Variants in DPYD observed in about 807,000 individuals in gnomAD.
The protein encoded by DPYD is dihydropyrimidine dehydrogenase [NADP(+)].
In DPYD, 109 loss-of-function variants were observed where a neutral mutation model predicts 116.2. The observed-to-expected ratio is 0.94, with a 90% confidence interval of 0.80 to 1.10. The LOEUF (loss-of-function observed/expected upper bound fraction) is 1.10. Ranked by LOEUF, DPYD falls within the 50% of genes least tolerant of loss-of-function variation. DPYD has a pLI of 0.00. For missense variants in DPYD, 1,302 were observed against 1,254.5 expected, an observed-to-expected ratio of 1.04 and a Z score of -0.57; for synonymous variants, 440 against 432.0, an observed-to-expected ratio of 1.02 and a Z score of -0.23.
chr1:97,292,372 T>C (rs1469152728), intron 18 of DPYD, among the ~76,000 whole-genome samples: 1 of 152,082 alleles, frequency 6.6e-6, no homozygotes, highest in East Asian at 1.9e-4. Flanking sequence ...AGCAAACATG[T>C]CCTTCTTCAC....
At chr1:97,138,926 T>C (rs1187685968) in intron 20 of DPYD, among the ~76,000 whole-genome samples, 1 of 152,168 alleles carries the variant, frequency 6.6e-6, no homozygotes, top group Non-Finnish European at 1.5e-5. Context: ...CTTGGGTAGA[T>C]GTATTCCACC....
intron 6 of DPYD, among the ~76,000 whole-genome samples, chr1:97,695,617 A>G (rs1317696673): frequency 2.6e-5 from 4 of 151,558 alleles, no homozygotes; most frequent in Non-Finnish European, 5.9e-5. Flanking sequence ...TGAAGGAAGG[A>G]AGGGAGGGAA....
intron 3 of DPYD, among the ~76,000 whole-genome samples, chr1:97,817,638 C>A (rs1336303479): frequency 6.6e-6 from 1 of 151,980 alleles, no homozygotes; most frequent in Non-Finnish European, 1.5e-5. Context: ...TATTAGTCTT[C>A]TTTAGTTGTA....
At chr1:97,914,985 G>A (rs1296637033) in intron 1 of DPYD, among the ~76,000 whole-genome samples, 1 of 152,050 alleles carries the variant, frequency 6.6e-6, no homozygotes, top group Admixed American at 6.5e-5. Flanking sequence ...CTTGCCAATT[G>A]ATGTTTATAT....
At chr1:97,595,909 T>TAA (rs59640385) in intron 8 of DPYD, among the ~76,000 whole-genome samples, 99 of 152,036 alleles carry the variant, frequency 6.5e-4, no homozygotes, top group African/African-American at 2.3e-3. Context: ...AAAAGAAAAA[T>TAA]ATTTAAGAAA....
chr1:97,166,231 A>C (rs2101756969), intron 20 of DPYD, among the ~76,000 whole-genome samples: 1 of 152,350 alleles, frequency 6.6e-6, no homozygotes, highest in South Asian at 2.1e-4. Flanking sequence ...TGGTACATAT[A>C]CACCATGGAA....
At chr1:97,508,484 C>T (rs539559133) in intron 13 of DPYD, among the ~76,000 whole-genome samples, 1 of 152,038 alleles carries the variant, frequency 6.6e-6, no homozygotes, top group South Asian at 2.1e-4. Context: ...CTTGTATTCT[C>T]TCTGAAATTG....
At chr1:97,874,227 G>T (rs1282598249) in intron 2 of DPYD, among the ~76,000 whole-genome samples, 2 of 151,860 alleles carry the variant, frequency 1.3e-5, no homozygotes, top group Non-Finnish European at 2.9e-5. Flanking sequence ...CAGAAAAAAT[G>T]AGTGAAATGT....
At chr1:97,552,450 T>G (rs189524639) in intron 11 of DPYD, among the ~76,000 whole-genome samples, 11 of 152,200 alleles carry the variant, frequency 7.2e-5, no homozygotes, top group African/African-American at 2.2e-4. Context: ...TAACTTTATG[T>G]TTCTTAAAAT....
intron 3 of DPYD, among the ~76,000 whole-genome samples, chr1:97,771,115 C>A (rs966697950): frequency 3.3e-5 from 5 of 151,698 alleles, no homozygotes; most frequent in African/African-American, 9.7e-5. Flanking sequence ...CTCAGGAGTT[C>A]GAGGTCAGCC....
intron 19 of DPYD, among the ~76,000 whole-genome samples, chr1:97,203,495 G>T (rs1659355704): frequency 6.7e-6 from 1 of 148,382 alleles, no homozygotes; most frequent in African/African-American, 2.5e-5. Context: ...GGGGGAGGTG[G>T]GCGGGATAGC....
chr1:97,586,518 A>ATG (rs1654135503), intron 10 of DPYD, among the ~76,000 whole-genome samples: 3 of 80,374 alleles, frequency 3.7e-5, no homozygotes, highest in Non-Finnish European at 7.7e-5. Flanking sequence ...ATATATATAT[A>ATG]TGCTGTGAAA....
At chr1:97,367,787 TG>T (rs1461971274) in intron 16 of DPYD, among the ~76,000 whole-genome samples, 1 of 152,180 alleles carries the variant, frequency 6.6e-6, no homozygotes, top group Non-Finnish European at 1.5e-5. Context: ...CTCAAACCAC[TG>T]AACAATTGGA....
chr1:97,889,757 A>G (rs1437206523), intron 1 of DPYD, among the ~76,000 whole-genome samples: 1 of 151,984 alleles, frequency 6.6e-6, no homozygotes, highest in Non-Finnish European at 1.5e-5. Context: ...AATCAACAAG[A>G]CCTAACAGAC....
At chr1:97,504,934 T>C (rs1171222481) in intron 13 of DPYD, among the ~76,000 whole-genome samples, 1 of 151,782 alleles carries the variant, frequency 6.6e-6, no homozygotes, top group Non-Finnish European at 1.5e-5. Flanking sequence ...CCCTCTTGTG[T>C]CCATTGAGTA....
intron 22 of DPYD, among the ~76,000 whole-genome samples, chr1:97,080,866 TAAG>T (rs1649102947): frequency 1.3e-5 from 2 of 152,158 alleles, no homozygotes; most frequent in Non-Finnish European, 2.9e-5. Context: ...TTCTCATTAC[TAAG>T]AAGATTTTTC....
chr1:97,305,407 C>T (rs776619092), intron 17 of DPYD, 29 bp from the exon 18 acceptor site: 6 of 1,611,446 alleles, frequency 3.7e-6, no homozygotes, highest in Non-Finnish European at 5.1e-6. Flanking sequence ...CATTTTCATG[C>T]AGCTCTTATA....
intron 18 of DPYD, among the ~76,000 whole-genome samples, chr1:97,248,022 A>G (rs985767783): frequency 6.6e-6 from 1 of 152,226 alleles, no homozygotes; most frequent in Non-Finnish European, 1.5e-5. Context: ...AAGCCAGTAT[A>G]ATCTTGATAT....
intron 14 of DPYD, among the ~76,000 whole-genome samples, chr1:97,423,944 AT>A (rs538967987): frequency 3.6e-4 from 55 of 152,248 alleles, no homozygotes; most frequent in African/African-American, 1.2e-3. Flanking sequence ...AAAACCAAAT[AT>A]GCAGCCAAAA....
Sources: allele counts gnomAD v4.1 joint callset (sites outside exome capture counted in the v4.1 genomes callset), GRCh38; gene constraint gnomAD v4.1.1; transcripts MANE v1.5; gene names NCBI Gene and HGNC (gene_info 2026-07-23, HGNC 2026-07-21).